Variants in LSS observed in about 807,000 individuals in gnomAD.
The protein encoded by LSS is lanosterol synthase.
In LSS, 90 loss-of-function variants were observed where a neutral mutation model predicts 110.3. The observed-to-expected ratio is 0.82, with a 90% confidence interval of 0.69 to 0.97. The LOEUF is 0.97. LSS is among the 50% of genes least tolerant of loss of function. The pLI is 0.00. For missense variants in LSS, 927 were observed against 990.0 expected (o/e 0.94, Z 0.85); for synonymous variants, 433 against 400.0 (o/e 1.08, Z -0.98).
rs1424606136 is a variant in LSS at position 46,219,546 on chromosome 21, C to A, written c.577G>T (p.Gly193Trp). The stretch of plus-strand genomic sequence containing the variant: ...TTCAGGACAGCCAGCCAGAACTTCC[C>A]CCAGGAGGGGATGGCCACAGCACCA... ...KGGAVAIPSW[G>W]KFWLAVLNVY... Residue 193 changes from glycine (G) to tryptophan (W), a missense_variant, in exon 6 of 22, where the codon GGG becomes TGG. Coordinates refer to ENST00000397728, the MANE Select transcript of LSS (RefSeq NM_002340.6). 1.2e-6 allele frequency: 2 copies of A among 1,601,432 alleles called. No homozygotes were observed. The highest frequency in any genetic ancestry group is 1.7e-6 in the Non-Finnish European group (2 of 1,174,032).
chr21:46,217,710 C>T (rs927602858), intron 6 of LSS, among the ~76,000 whole-genome samples: 6 of 152,228 alleles, frequency 3.9e-5, no homozygotes, highest in Admixed American at 6.5e-5. Flanking sequence ...ACGGCCCCCC[C>T]AAGTGGGGCA....
In LSS at chr21:46,215,807, T is replaced by C. The variant is rs1482276348; in HGVS notation, c.784-14A>G. ...CACATAGAGCTCCTGGTGGGGGCAGTGTCTGAGCCTTGGGGCCTGGGAGCA... is the reference window on the plus strand; with the variant it reads ...CACATAGAGCTCCTGGTGGGGGCAGCGTCTGAGCCTTGGGGCCTGGGAGCA... On this transcript the variant is annotated splice_polypyrimidine_tract_variant and intron_variant, in intron 7 of 21. Transcript: ENST00000397728. The C allele has an allele frequency of 1.9e-6, 3 of 1,567,420 alleles. No individual in the cohort carries two copies. The highest frequency in any genetic ancestry group is 2.3e-5 in the South Asian group (2 of 88,536).
intron 14 of LSS, 76 bp from the exon 15 acceptor site, chr21:46,207,653 C>A: frequency 6.7e-7 from 1 of 1,490,014 alleles, no homozygotes. Context: ...CAGCCGCACG[C>A]ATCCCTCCCC....
At chr21:46,210,811 G>A in intron 11 of LSS, 67 bp from the exon 12 acceptor site, 1 of 1,495,966 alleles carries the variant, frequency 6.7e-7, no homozygotes, top group Non-Finnish European at 9.3e-7. Flanking sequence ...CTGCCTCCAG[G>A]ATCCAATGGG....
At chr21:46,218,941 G>A (rs1017588363) in intron 6 of LSS, among the ~76,000 whole-genome samples, 1 of 152,050 alleles carries the variant, frequency 6.6e-6, no homozygotes, top group Non-Finnish European at 1.5e-5. Context: ...TGGCCAGGAT[G>A]GTCTCGATCC....
At chr21:46,221,817 C>T (rs186119624) in intron 5 of LSS, 37 bp downstream of exon 5, 116 of 1,612,650 alleles carry the variant, frequency 7.2e-5, no homozygotes, top group Middle Eastern at 3.7e-4. Context: ...CGAGTTGACA[C>T]GAACCCCTGG....
Position 46,227,592 on chromosome 21 carries a change from G to C in LSS, c.279C>G (p.His93Gln). 6.2e-7 allele frequency: 1 copy of C among 1,613,904 alleles called. No homozygotes were observed. The highest frequency in any genetic ancestry group is 8.5e-7 in the Non-Finnish European group (1 of 1,179,992). The part of the protein sequence containing the change: ...FYVGLQAEDG[H>Q]WTGDYGGPLF... The stretch of plus-strand genomic sequence containing the variant: ...GTGGGCCACCATAATCACCCGTCCA[G>C]TGCCCATCCTCAGCCTGCAGCCCCA... Residue 93 changes from histidine (H) to glutamine (Q), a missense_variant, in exon 3 of 22, where the codon CAC (histidine) becomes CAG (glutamine). Transcript: ENST00000397728.
At position 46,207,460 on chromosome 21, in the gene LSS, G is replaced by A; in HGVS notation, c.1435C>T (p.Pro479Ser). ...ACAGCATCGCAGAGCCGTTCTCTGGGGATGTGCTCGGTGACATGGGGACAC... is the reference window on the plus strand; with the variant it reads ...ACAGCATCGCAGAGCCGTTCTCTGGAGATGTGCTCGGTGACATGGGGACAC... ...EKCPHVTEHIPRERLCDAVAV... is the reference protein window; with the variant it reads ...EKCPHVTEHISRERLCDAVAV... The change falls in exon 15 of 22, where the codon CCC becomes TCC. Residue 479 changes from proline to serine, a missense_variant. Physicochemically the swap from Pro to Ser is moderately conservative, Grantham distance 74. Transcript: ENST00000397728. 1 of 1,612,348 alleles carries A rather than the reference G, an allele frequency of 6.2e-7. No individual in the cohort carries two copies. The highest frequency in any genetic ancestry group is 2.2e-5 in the East Asian group (1 of 44,868).
In LSS at chr21:46,215,769, T is replaced by G; in HGVS notation, c.808A>C (p.Ser270Arg). The change falls in exon 8 of 22, where the codon AGC (serine) becomes CGC (arginine). Residue 270 changes from serine to arginine, a missense_variant. Ser to Arg is a moderately radical substitution (Grantham distance 110). Coordinates refer to ENST00000397728, the MANE Select transcript of LSS (RefSeq NM_002340.6). ...TTCCTCTGCGCCAGCCAGTCAATGCTGGCGAAGTCCTCCACATAGAGCTCC... is the reference window on the plus strand; with the variant it reads ...TTCCTCTGCGCCAGCCAGTCAATGCGGGCGAAGTCCTCCACATAGAGCTCC... ...RQELYVEDFA[S>R]IDWLAQRNNV... 1.9e-6 allele frequency: 3 copies of G among 1,612,400 alleles called. No homozygotes were observed. The East Asian group carries it at 6.7e-5, about 36-fold the overall frequency.
At position 46,202,382 on chromosome 21, in the gene LSS, A is replaced by T. The variant is rs2079990342; in HGVS notation, c.1670+3454T>A. Among the ~76,000 whole-genome samples, 3 of 144,710 alleles carry T rather than the reference A, an allele frequency of 2.1e-5. No homozygotes were observed. The South Asian group carries it at 6.5e-4, about 31-fold the overall frequency. The allele number at this position is 144,710 out of a possible 152,430, so 94.9% of individuals were successfully genotyped here. On this transcript the variant is annotated intron_variant, in intron 17 of 21. Transcript: ENST00000397728. Reference sequence around the variant, plus strand: ...GCACTCCAGCCTGGGCGACAGAGCGAGACTCCGTCTCAAAAAAAAAAAAAA... The same window carrying T: ...GCACTCCAGCCTGGGCGACAGAGCGTGACTCCGTCTCAAAAAAAAAAAAAA...
In LSS at chr21:46,207,570, A is replaced by G. The variant is rs1364263714; in HGVS notation, c.1325T>C (p.Phe442Ser). The change falls in exon 15 of 22, where the codon TTC becomes TCC. Residue 442 changes from phenylalanine (F) to serine (S), a missense_variant. Phe to Ser is a radical substitution (Grantham distance 155). Transcript: ENST00000397728. ...GCCGCAGTCCAGCGTACTGAAGGAG[A>G]AGCCACCCTGCAGAGCACAAGCCAT... ...KYYRQMRKGG[F>S]SFSTLDCGWI... 1 of 1,606,460 alleles carries G rather than the reference A, an allele frequency of 6.2e-7. No individual in the cohort carries two copies. Among genetic ancestry groups the G allele is most frequent in the Non-Finnish European group, 8.5e-7 (1 of 1,177,376 alleles).
intron 3 of LSS, among the ~76,000 whole-genome samples, chr21:46,223,201 T>A (rs765077483): frequency 2.0e-5 from 3 of 152,252 alleles, no homozygotes; most frequent in Non-Finnish European, 4.4e-5. Context: ...TTTATTTATA[T>A]TTTTCTGTTT....
At chr21:46,196,019 G>A (rs1254426986) in intron 18 of LSS, among the ~76,000 whole-genome samples, 183 bp downstream of exon 18, 1 of 152,228 alleles carries the variant, frequency 6.6e-6, no homozygotes, top group African/African-American at 2.4e-5. Flanking sequence ...AATTTCCACC[G>A]GGGCAAAGGC....
rs191731134 is a variant in LSS at position 46,214,243 on chromosome 21, C to T, written c.1012-408G>A. ...GACTGTAGCAGTAGGGACCACTTGC[C>T]CCCCTTCTTCCTCAGAACAGAATGT... On this transcript the variant is annotated intron_variant, in intron 9 of 21. Transcript: ENST00000397728. 2.0e-3 allele frequency among the ~76,000 whole-genome samples: 299 copies of T among 152,332 alleles called. 1 individual carries two copies. Among genetic ancestry groups the T allele is most frequent in the African/African-American group, 6.7e-3 (277 of 41,568 alleles).
chr21:46,192,844 G>A (rs1361647244), intron 20 of LSS: 1 of 451,380 alleles, frequency 2.2e-6, no homozygotes, highest in Non-Finnish European at 4.4e-6. Flanking sequence ...GTGTGGCACA[G>A]ATGGGATACT....
chr21:46,208,977 T>C (rs2080091165), intron 13 of LSS, among the ~76,000 whole-genome samples: 1 of 152,096 alleles, frequency 6.6e-6, no homozygotes, highest in Non-Finnish European at 1.5e-5. Flanking sequence ...GGACACTGGC[T>C]GAGGCCGTGG....
chr21:46,191,984 C>G (rs568214370), intron 20 of LSS, 25 bp from the exon 21 acceptor site: 1 of 1,556,222 alleles, frequency 6.4e-7, no homozygotes, highest in Non-Finnish European at 8.9e-7. Flanking sequence ...GGCTGAAACA[C>G]ACCCAGCATG....
chr21:46,205,959 G>GGT lies in LSS; in HGVS notation c.1565-19_1565-18insAC. The stretch of plus-strand genomic sequence containing the variant: ...GATGTCCCCTGGGAAAGGGAGGGAA[G>GGT]AACCAAGTGTTGGGTTTCACCCTGG... On this transcript the variant is annotated intron_variant, in intron 16 of 21. Coordinates refer to ENST00000397728, the MANE Select transcript of LSS (RefSeq NM_002340.6). 1 of 1,567,714 alleles carries GGT rather than the reference G, an allele frequency of 6.4e-7. No individual in the cohort carries two copies. Among genetic ancestry groups the GGT allele is most frequent in the South Asian group, 1.1e-5 (1 of 87,084 alleles).
At chr21:46,202,849 C>CCTAG in intron 17 of LSS, among the ~76,000 whole-genome samples, 1 of 152,308 alleles carries the variant, frequency 6.6e-6, no homozygotes, top group East Asian at 1.9e-4. Context: ...TGCACTCCAG[C>CCTAG]CTAGGTAACA....
Sources: allele counts gnomAD v4.1 joint callset (sites outside exome capture counted in the v4.1 genomes callset), GRCh38; gene constraint gnomAD v4.1.1; transcripts MANE v1.5; gene names NCBI Gene and HGNC (gene_info 2026-07-23, HGNC 2026-07-21).